TRABD2B: variants seen among roughly 807,000 people sequenced by gnomAD.
TRABD2B encodes metalloprotease TIKI2.
TRABD2B carries 14 observed loss-of-function variants against 40.1 expected under a neutral mutation model. That is an observed-to-expected ratio of 0.35 (90% CI 0.23 to 0.55). TRABD2B has a LOEUF of 0.55. Among genes scored for constraint, TRABD2B ranks in the 20% least tolerant of loss-of-function variants. TRABD2B has a pLI of 0.90. For missense variants in TRABD2B, 541 were observed against 648.6 expected (o/e 0.83, Z 1.80); for synonymous variants, 263 against 277.0 (o/e 0.95, Z 0.50).
At chr1:47,976,079 C>T (rs552824665) in intron 2 of TRABD2B, among the ~76,000 whole-genome samples, 1 of 152,304 alleles carries the variant, frequency 6.6e-6, no homozygotes, top group South Asian at 2.1e-4. Flanking sequence ...TTTCATGTGT[C>T]ATTTGCATTC....
At chr1:47,896,937 T>C (rs1644530490) in intron 2 of TRABD2B, among the ~76,000 whole-genome samples, 1 of 152,194 alleles carries the variant, frequency 6.6e-6, no homozygotes, top group Admixed American at 6.5e-5. Context: ...GAGCCCCTAG[T>C]ATATGTTGAG....
At chr1:47,984,757 G>A (rs1017580774) in intron 2 of TRABD2B, among the ~76,000 whole-genome samples, 2 of 152,022 alleles carry the variant, frequency 1.3e-5, no homozygotes, top group Non-Finnish European at 2.9e-5. Context: ...AAGCCTTCCT[G>A]GATCTCCTCA....
intron 2 of TRABD2B, among the ~76,000 whole-genome samples, chr1:47,968,833 G>A (rs1044791944): frequency 4.6e-5 from 7 of 152,168 alleles, no homozygotes; most frequent in Admixed American, 2.6e-4. Flanking sequence ...TAGAATGGAA[G>A]CTGCCTGAGG....
chr1:47,779,817 T>C (rs1029998705), intron 4 of TRABD2B, among the ~76,000 whole-genome samples: 2 of 152,140 alleles, frequency 1.3e-5, no homozygotes, highest in African/African-American at 4.8e-5. Flanking sequence ...ATTCCTCTAA[T>C]TGCCTGTGAA....
intron 2 of TRABD2B, among the ~76,000 whole-genome samples, chr1:47,984,781 T>C (rs961662120): frequency 1.3e-5 from 2 of 152,058 alleles, no homozygotes. Context: ...CCAAGGAAGC[T>C]GTGCCTCTTC....
At position 47,764,062 on chromosome 1, in the gene TRABD2B, T is replaced by C. The variant is rs1322794819; in HGVS notation, c.*1840A>G. On this transcript the variant is annotated 3_prime_UTR_variant, in exon 7 of 7. Transcript: ENST00000606738. ...TAAAGAATTCAGCTGCCTGCCAAGATGCCCGTGGGACTCCTGACCATCCCA... is the reference window on the plus strand; with the variant it reads ...TAAAGAATTCAGCTGCCTGCCAAGACGCCCGTGGGACTCCTGACCATCCCA... 6.6e-6 allele frequency: 1 copy of C among 152,256 alleles called. No individual in the cohort carries two copies. Among genetic ancestry groups the C allele is most frequent in the Non-Finnish European group, 1.5e-5 (1 of 68,068 alleles). 9.4% of individuals were successfully genotyped at this position (152,256 alleles called of 1,614,324 possible). A position where few individuals can be genotyped will look rare whatever the true frequency, so the allele number is the denominator to read the frequency against.
At chr1:47,779,358 G>A (rs1644489671) in intron 4 of TRABD2B, among the ~76,000 whole-genome samples, 1 of 152,184 alleles carries the variant, frequency 6.6e-6, no homozygotes, top group Admixed American at 6.5e-5. Flanking sequence ...GGGGAGAGGG[G>A]CTGGCCTCCA....
intron 2 of TRABD2B, among the ~76,000 whole-genome samples, chr1:47,987,027 C>T (rs1047614959): frequency 3.1e-4 from 47 of 152,178 alleles, no homozygotes; most frequent in African/African-American, 1.1e-3. Context: ...GCGCTCACGC[C>T]GGCATTCTTG....
intron 2 of TRABD2B, among the ~76,000 whole-genome samples, chr1:47,963,436 A>T (rs1290764092): frequency 6.6e-6 from 1 of 152,222 alleles, no homozygotes; most frequent in Non-Finnish European, 1.5e-5. Flanking sequence ...CCTCTTAGGG[A>T]CCAAAGCACT....
intron 2 of TRABD2B, among the ~76,000 whole-genome samples, chr1:47,927,932 C>T (rs1049543651): frequency 6.6e-6 from 1 of 152,226 alleles, no homozygotes; most frequent in Non-Finnish European, 1.5e-5. Context: ...GGGTTAAGCC[C>T]TTCGTATTCA....
chr1:47,815,954 T>A, intron 2 of TRABD2B, among the ~76,000 whole-genome samples: 1 of 152,162 alleles, frequency 6.6e-6, no homozygotes, highest in East Asian at 1.9e-4. Context: ...ATGTGTTTGT[T>A]CTTGGTCAGG....
chr1:47,864,162 C>T (rs183513631), intron 2 of TRABD2B, among the ~76,000 whole-genome samples: 164 of 152,100 alleles, frequency 1.1e-3, no homozygotes, highest in Non-Finnish European at 1.9e-3. Context: ...CTGTATGATA[C>T]TATAATGGTA....
intron 2 of TRABD2B, among the ~76,000 whole-genome samples, chr1:47,962,200 C>A (rs1255337678): frequency 6.6e-6 from 1 of 150,700 alleles, no homozygotes; most frequent in African/African-American, 2.4e-5. Context: ...ACATCACACG[C>A]CGGGGCCTGT....
intron 2 of TRABD2B, among the ~76,000 whole-genome samples, chr1:47,828,400 A>G (rs7532648): frequency 3.5e-4 from 53 of 152,330 alleles, no homozygotes; most frequent in Non-Finnish European, 6.3e-4. Context: ...AGTGGCGACC[A>G]CATCACTTGC....
chr1:47,957,178 G>A (rs556945181), intron 2 of TRABD2B, among the ~76,000 whole-genome samples: 3 of 152,298 alleles, frequency 2.0e-5, no homozygotes, highest in Admixed American at 1.3e-4. Context: ...CAAACAGAAA[G>A]GACATCCACA....
At chr1:47,912,384 T>G (rs551877749) in intron 2 of TRABD2B, among the ~76,000 whole-genome samples, 20 of 152,242 alleles carry the variant, frequency 1.3e-4, no homozygotes, top group African/African-American at 4.8e-4. Flanking sequence ...TTTCAGTTTG[T>G]CTGGTTTTTA....
Position 47,770,934 on chromosome 1 carries a change from C to T in TRABD2B, c.1349+4236G>A, listed in dbSNP as rs557083186. On this transcript the variant is annotated intron_variant, in intron 6 of 6. Transcript: ENST00000606738. ...TGGTCTGATGCCAGCTTAAAGCTTA[C>T]GAGCATCATCTCACATAATCTCTAA... 3.9e-5 allele frequency among the ~76,000 whole-genome samples: 6 copies of T among 152,304 alleles called. 1 individual carries two copies. Among genetic ancestry groups the T allele is most frequent in the African/African-American group, 1.4e-4 (6 of 41,572 alleles).
chr1:47,974,348 C>T (rs1283438824), intron 2 of TRABD2B, among the ~76,000 whole-genome samples: 1 of 152,040 alleles, frequency 6.6e-6, no homozygotes, highest in Non-Finnish European at 1.5e-5. Flanking sequence ...CCAAAATGTG[C>T]CTTCCCCAGG....
At chr1:47,933,392 G>A (rs769793673) in intron 2 of TRABD2B, among the ~76,000 whole-genome samples, 6 of 152,028 alleles carry the variant, frequency 3.9e-5, no homozygotes, top group Non-Finnish European at 7.4e-5. Context: ...GATTACAGGC[G>A]GGAGCTACCA....
Sources: gnomAD v4.1 joint callset for allele counts (sites outside exome capture counted in the v4.1 genomes callset) on GRCh38, gnomAD v4.1.1 for gene constraint, MANE v1.5 for transcripts, NCBI Gene and HGNC (gene_info 2026-07-23, HGNC 2026-07-21) for gene names.